PPIP5K2: variants seen among roughly 807,000 people sequenced by gnomAD.
The protein encoded by PPIP5K2 is diphosphoinositol pentakisphosphate kinase 2.
PPIP5K2 carries 105 observed loss-of-function variants against 154.6 expected under a neutral mutation model. The observed-to-expected ratio is 0.68, with a 90% CI of 0.58 to 0.80. The LOEUF is 0.80. Ranked by LOEUF, PPIP5K2 falls within the 30% of genes least tolerant of loss-of-function variation. The probability of loss-of-function intolerance (pLI) is 0.00; values close to 1 mark genes in which losing one functional copy is unlikely to be tolerated. For missense variants in PPIP5K2, 992 were observed against 1,504.6 expected (o/e 0.66, Z 5.64); for synonymous variants, 480 against 490.3 (o/e 0.98, Z 0.28).
Position 103,138,825 on chromosome 5 carries a change from C to G in PPIP5K2, c.487+356C>G, listed in dbSNP as rs782261728. On this transcript the variant is annotated intron_variant, in intron 5 of 30. Transcript: ENST00000358359. ...TATTAGAAACTTCATGCTACAATGCCAAAAACTAAATACTGGCCAAGAATT... is the reference window on the plus strand; with the variant it reads ...TATTAGAAACTTCATGCTACAATGCGAAAAACTAAATACTGGCCAAGAATT... 5.7e-4 allele frequency among the ~76,000 whole-genome samples: 86 copies of G among 152,180 alleles called. 1 individual carries two copies. Among genetic ancestry groups the G allele is most frequent in the Non-Finnish European group, 1.3e-4 (9 of 68,026 alleles).
chr5:103,168,363 A>G, intron 19 of PPIP5K2, 68 bp downstream of exon 19: 1 of 1,254,090 alleles, frequency 8.0e-7, no homozygotes, highest in Admixed American at 2.2e-5. Flanking sequence ...CTGTTGGTGG[A>G]TAAAAAGGTA....
Position 103,158,254 on chromosome 5 carries a change from G to T in PPIP5K2, c.1556G>T (p.Gly519Val). Residue 519 changes from glycine (G) to valine (V), a missense_variant, in exon 15 of 31, where the codon GGC becomes GTC. Gly to Val is a moderately radical substitution (Grantham distance 109, BLOSUM62 -3). Around this residue, in one of 9 missense-constraint regions of PPIP5K2, gnomAD observed 163 missense variants for 285.2 expected, o/e 0.57. Coordinates refer to ENST00000358359, the MANE Select transcript of PPIP5K2 (RefSeq NM_001276277.3). ...LKWGGELTPAGRVQAEELGRA... is the reference protein window; with the variant it reads ...LKWGGELTPAVRVQAEELGRA... ...TGGGGAGGTGAATTAACTCCTGCAGGCAGGGTCCAGGCTGAAGAACTTGGA... is the reference window on the plus strand; with the variant it reads ...TGGGGAGGTGAATTAACTCCTGCAGTCAGGGTCCAGGCTGAAGAACTTGGA... 6.2e-7 allele frequency: 1 copy of T among 1,614,022 alleles called. No homozygotes were observed. The highest frequency in any genetic ancestry group is 8.5e-7 in the Non-Finnish European group (1 of 1,179,948).
chr5:103,173,137 C>A lies in PPIP5K2; in HGVS notation c.2287-18C>A. ...TGTCATTATATCCTTTTTCTAATGT[C>A]ATGTATTTTTTGCTCAGGAATATGG... On this transcript the variant is annotated intron_variant, in intron 19 of 30. Coordinates refer to ENST00000358359, the MANE Select transcript of PPIP5K2 (RefSeq NM_001276277.3). 1 of 1,566,000 alleles carries A rather than the reference C, an allele frequency of 6.4e-7. No individual in the cohort carries two copies. The highest frequency in any genetic ancestry group is 1.2e-5 in the South Asian group (1 of 84,136).
intron 14 of PPIP5K2, among the ~76,000 whole-genome samples, chr5:103,157,680 C>A (rs931309019): frequency 4.7e-5 from 7 of 149,706 alleles, no homozygotes; most frequent in African/African-American, 1.7e-4. Flanking sequence ...CCAGCCAGGG[C>A]GACCAAGCGA....
chr5:103,166,485 TTAA>T (rs758036083), intron 17 of PPIP5K2, among the ~76,000 whole-genome samples: 19 of 152,010 alleles, frequency 1.2e-4, no homozygotes, highest in Non-Finnish European at 2.1e-4. Flanking sequence ...TTTTCTTCAG[TTAA>T]TAATGTAAAA....
At chr5:103,147,780 T>C (rs1394595244) in intron 6 of PPIP5K2, 151 bp from the exon 7 acceptor site, 7 of 569,174 alleles carry the variant, frequency 1.2e-5, no homozygotes, top group Non-Finnish European at 2.2e-5. Context: ...GCCAAGTATA[T>C]AGTAAGTTTT....
At chr5:103,190,451 G>A (rs1257848419) in intron 28 of PPIP5K2, among the ~76,000 whole-genome samples, 12 of 151,868 alleles carry the variant, frequency 7.9e-5, no homozygotes, top group Admixed American at 3.9e-4. Flanking sequence ...TACTGTTAGC[G>A]TCCTGGCATC....
rs190259959 is a variant in PPIP5K2, at chr5:103,178,017, A to C, written c.2754+37A>C. 3.1e-6 allele frequency: 4 copies of C among 1,272,072 alleles called. No homozygotes were observed. The Admixed American group carries it at 7.4e-5, about 23-fold the overall frequency. The allele number at this position is 1,272,072 out of a possible 1,614,324, so 78.8% of individuals were successfully genotyped here. ...GGAACTCTCAGTGCTTAGTTACTAC[A>C]GTTCTAGATTTTCATGAGGTTTCTA... On this transcript the variant is annotated intron_variant, in intron 23 of 30. Transcript: ENST00000358359.
chr5:103,191,846 G>A (rs1403256692), intron 29 of PPIP5K2, among the ~76,000 whole-genome samples: 2 of 151,982 alleles, frequency 1.3e-5, no homozygotes, highest in Non-Finnish European at 2.9e-5. Flanking sequence ...TTAGAGCTAA[G>A]AATCTTACTA....
At chr5:103,140,563 C>T (rs1554206094) in intron 5 of PPIP5K2, among the ~76,000 whole-genome samples, 1 of 152,198 alleles carries the variant, frequency 6.6e-6, no homozygotes, top group Non-Finnish European at 1.5e-5. Flanking sequence ...CAAAATTATC[C>T]TTCAGGCCGG....
intron 19 of PPIP5K2, 117 bp from the exon 20 acceptor site, chr5:103,173,038 A>T: frequency 1.3e-6 from 1 of 755,456 alleles, no homozygotes; most frequent in Non-Finnish European, 2.0e-6. Context: ...GAGTTATCCA[A>T]CGTTCAAAAA....
intron 21 of PPIP5K2, among the ~76,000 whole-genome samples, chr5:103,176,617 A>G (rs1246153789): frequency 6.6e-6 from 1 of 150,564 alleles, no homozygotes; most frequent in African/African-American, 2.4e-5. Context: ...ATAATATTGT[A>G]TACTCTTAGT....
intron 22 of PPIP5K2, 23 bp downstream of exon 22, chr5:103,177,797 G>A (rs781821100): frequency 1.9e-6 from 3 of 1,595,678 alleles, no homozygotes; most frequent in Non-Finnish European, 2.6e-6. Context: ...CTTGATTTGT[G>A]TTTTACCAGA....
intron 25 of PPIP5K2, chr5:103,184,325 G>C (rs1324106352): frequency 5.6e-6 from 1 of 178,752 alleles, no homozygotes; most frequent in Admixed American, 5.9e-5. Flanking sequence ...TTTGTTTGTA[G>C]TTGTTTTTTC....
chr5:103,189,051 T>A, intron 28 of PPIP5K2: 1 of 652,240 alleles, frequency 1.5e-6, no homozygotes, highest in Non-Finnish European at 2.5e-6. Flanking sequence ...TTCATGTTAT[T>A]TCCATCTTTA....
At chr5:103,154,573 A>T in intron 11 of PPIP5K2, 97 bp from the exon 12 acceptor site, 1 of 712,244 alleles carries the variant, frequency 1.4e-6, no homozygotes, top group Non-Finnish European at 2.2e-6. Context: ...CCCAAGTTCT[A>T]GTCCCATAGC....
chr5:103,139,443 T>C (rs562614440), intron 5 of PPIP5K2, among the ~76,000 whole-genome samples: 20 of 152,132 alleles, frequency 1.3e-4, no homozygotes, highest in Non-Finnish European at 2.5e-4. Context: ...CAAGAGTTTG[T>C]AGCATTCCTG....
At chr5:103,145,756 G>GA (rs1208682169) in intron 5 of PPIP5K2, among the ~76,000 whole-genome samples, 1 of 149,670 alleles carries the variant, frequency 6.7e-6, no homozygotes, top group Non-Finnish European at 1.5e-5. Context: ...GGGATGAAGT[G>GA]AGGATAGTTA....
Position 103,210,342 on chromosome 5 carries a change from C to T in PPIP5K2, c.*8708C>T, listed in dbSNP as rs1554232521. 6.6e-6 allele frequency: 1 copy of T among 152,118 alleles called. No homozygotes were observed. The highest frequency in any genetic ancestry group is 1.5e-5 in the Non-Finnish European group (1 of 68,002). 9.4% of individuals were successfully genotyped at this position (152,118 alleles called of 1,614,324 possible). The stretch of plus-strand genomic sequence containing the variant: ...AAGAGGATAGATCATTGAATAGATG[C>T]TTTAATTCCATTTTTGACAATGAAC... On this transcript the variant is annotated 3_prime_UTR_variant, in exon 31 of 31. Coordinates refer to ENST00000358359, the MANE Select transcript of PPIP5K2 (RefSeq NM_001276277.3).
Sources: allele counts gnomAD v4.1 joint callset (sites outside exome capture counted in the v4.1 genomes callset), GRCh38; gene constraint gnomAD v4.1.1; regional missense constraint gnomAD v4.1.1; transcripts MANE v1.5; gene names NCBI Gene and HGNC (gene_info 2026-07-23, HGNC 2026-07-21).